Variants in PYGO1 observed in about 807,000 individuals in gnomAD.
PYGO1 encodes the protein pygopus family PHD finger 1.
PYGO1 carries 6 observed loss-of-function variants against 29.5 expected under a neutral mutation model. The observed-to-expected ratio is 0.20, with a 90% CI of 0.11 to 0.40. PYGO1 has a LOEUF of 0.40. PYGO1 is among the 10% of genes least tolerant of loss of function. The probability of loss-of-function intolerance (pLI) is 1.00; values close to 1 mark genes in which losing one functional copy is unlikely to be tolerated. For missense variants in PYGO1, 515 were observed against 514.9 expected (o/e 1.00, Z 0.00); for synonymous variants, 186 against 180.5 (o/e 1.03, Z -0.24).
chr15:55,563,593 G>A lies in PYGO1; in HGVS notation c.50-14598C>T, dbSNP rs536489202. ...TCTCGAGCTCCTGACCTCGTGATCC[G>A]CCTGCCTCGGCCTCCCAAAGTGTTG... On this transcript the variant is annotated intron_variant, in intron 1 of 2. Coordinates refer to ENST00000563719, the MANE Select transcript of PYGO1 (RefSeq NM_001367806.1). 2.2e-4 allele frequency among the ~76,000 whole-genome samples: 34 copies of A among 152,108 alleles called. No homozygotes were observed. In the South Asian group the frequency reaches 2.7e-3, roughly 12 times the overall value.
intron 1 of PYGO1, among the ~76,000 whole-genome samples, chr15:55,570,081 G>A (rs1396225113): frequency 6.6e-6 from 1 of 152,170 alleles, no homozygotes; most frequent in African/African-American, 2.4e-5. Context: ...ATCCCCAGTG[G>A]AAAGGTCAGT....
At chr15:55,556,200 T>C (rs2058904223) in intron 1 of PYGO1, among the ~76,000 whole-genome samples, 1 of 152,280 alleles carries the variant, frequency 6.6e-6, no homozygotes, top group East Asian at 1.9e-4. Context: ...CAACAGAATT[T>C]ACATTCTTTT....
chr15:55,550,471 C>T (rs1396361082), intron 1 of PYGO1, among the ~76,000 whole-genome samples: 1 of 152,168 alleles, frequency 6.6e-6, no homozygotes. Context: ...ATCACACTCC[C>T]CAAACCAGCT....
At chr15:55,566,202 G>T (rs34694682) in intron 1 of PYGO1, among the ~76,000 whole-genome samples, 8,197 of 152,184 alleles carry the variant, frequency 0.054, 277 homozygotes, top group Middle Eastern at 0.068. Flanking sequence ...CTGAGCATAG[G>T]TTTTCAAACC....
Position 55,539,213 on chromosome 15 carries a change from G to C in PYGO1, c.*6810C>G, listed in dbSNP as rs528384654. The C allele has an allele frequency of 2.4e-4, 37 of 152,250 alleles. No individual in the cohort carries two copies. The highest frequency in any genetic ancestry group is 3.9e-4 in the Admixed American group (6 of 15,290). 9.4% of individuals were successfully genotyped at this position (152,250 alleles called of 1,614,324 possible). A position where few individuals can be genotyped will look rare whatever the true frequency, so the allele number is the denominator to read the frequency against. On this transcript the variant is annotated 3_prime_UTR_variant, in exon 3 of 3. Transcript: ENST00000563719. ...AAATTCTAGCATGGTTTTTGGGGAAGAAGGGAATGGGATCAGAAGACGCAA... is the reference window on the plus strand; with the variant it reads ...AAATTCTAGCATGGTTTTTGGGGAACAAGGGAATGGGATCAGAAGACGCAA...
At position 55,545,878 on chromosome 15, in the gene PYGO1, T is replaced by C; in HGVS notation, c.*145A>G. ...CAAGCAAAGACAATAAAAAATTTGC[T>C]CTAGTGATGAAGTGATTAATAAAAA... On this transcript the variant is annotated 3_prime_UTR_variant, in exon 3 of 3. Coordinates refer to ENST00000563719, the MANE Select transcript of PYGO1 (RefSeq NM_001367806.1). 2 of 864,114 alleles carry C rather than the reference T, an allele frequency of 2.3e-6. No homozygotes were observed. The highest frequency in any genetic ancestry group is 1.7e-5 in the African/African-American group (1 of 58,814). The allele number at this position is 864,114 out of a possible 1,614,324, so 53.5% of individuals were successfully genotyped here.
At chr15:55,554,122 C>A (rs1429885321) in intron 1 of PYGO1, among the ~76,000 whole-genome samples, 1 of 152,110 alleles carries the variant, frequency 6.6e-6, no homozygotes, top group East Asian at 1.9e-4. Flanking sequence ...AAACAGAGTG[C>A]CTCTTCTCCT....
intron 1 of PYGO1, among the ~76,000 whole-genome samples, chr15:55,569,755 G>C (rs895409140): frequency 3.9e-5 from 6 of 152,186 alleles, no homozygotes; most frequent in African/African-American, 1.4e-4. Flanking sequence ...CAGATGAGAA[G>C]AATGTATATT....
At chr15:55,565,669 C>T (rs1253075455) in intron 1 of PYGO1, among the ~76,000 whole-genome samples, 2 of 152,168 alleles carry the variant, frequency 1.3e-5, no homozygotes, top group African/African-American at 2.4e-5. Flanking sequence ...GAGCCAAGAT[C>T]GCACCACTGC....
chr15:55,562,565 G>T (rs554483935), intron 1 of PYGO1, among the ~76,000 whole-genome samples: 18 of 152,130 alleles, frequency 1.2e-4, no homozygotes, highest in Admixed American at 1.2e-3. Context: ...CAGCTACTCG[G>T]GAGGCTGAGG....
At position 55,544,167 on chromosome 15, in the gene PYGO1, C is replaced by T. The variant is rs919839694; in HGVS notation, c.*1856G>A. 1 of 152,034 alleles carries T rather than the reference C, an allele frequency of 6.6e-6. No homozygotes were observed. Among genetic ancestry groups the T allele is most frequent in the African/African-American group, 2.4e-5 (1 of 41,376 alleles). The allele number at this position is 152,034 out of a possible 1,614,324, so 9.4% of individuals were successfully genotyped here. A position where few individuals can be genotyped will look rare whatever the true frequency, so the allele number is the denominator to read the frequency against. ...GGAGAAAACCTTGTATTACCTTGTA[C>T]CATATGAAATTGCTGTTTTTGTAGG... On this transcript the variant is annotated 3_prime_UTR_variant, in exon 3 of 3. Coordinates refer to ENST00000563719, the MANE Select transcript of PYGO1 (RefSeq NM_001367806.1).
In PYGO1 at chr15:55,541,189, T is replaced by C. The variant is rs1032519194; in HGVS notation, c.*4834A>G. ...TACATGGCCACAGTCTTTCCTTCAT[T>C]TCCCCTATACCACTTGTCTTGGGAG... On this transcript the variant is annotated 3_prime_UTR_variant, in exon 3 of 3. Transcript: ENST00000563719. 9 of 152,208 alleles carry C rather than the reference T, an allele frequency of 5.9e-5. No homozygotes were observed. Among genetic ancestry groups the C allele is most frequent in the African/African-American group, 2.2e-4 (9 of 41,458 alleles). The allele number at this position is 152,208 out of a possible 1,614,324, so 9.4% of individuals were successfully genotyped here.
In PYGO1 at chr15:55,540,999, C is replaced by T. The variant is rs1161148620; in HGVS notation, c.*5024G>A. On this transcript the variant is annotated 3_prime_UTR_variant, in exon 3 of 3. Transcript: ENST00000563719. ...TATTTTGACAAACAAGCAACATCAT[C>T]TACACATCTACAGAACAAGAAAGGT... 2 of 152,172 alleles carry T rather than the reference C, an allele frequency of 1.3e-5. No individual in the cohort carries two copies. Among genetic ancestry groups the T allele is most frequent in the African/African-American group, 2.4e-5 (1 of 41,436 alleles). The allele number at this position is 152,172 out of a possible 1,614,324, so 9.4% of individuals were successfully genotyped here. A position where few individuals can be genotyped will look rare whatever the true frequency, so the allele number is the denominator to read the frequency against.
chr15:55,559,047 A>T (rs2058920611), intron 1 of PYGO1, among the ~76,000 whole-genome samples: 1 of 152,136 alleles, frequency 6.6e-6, no homozygotes, highest in Non-Finnish European at 1.5e-5. Context: ...GTGAACAGGC[A>T]ACCTACAGAA....
At chr15:55,556,005 G>A (rs2058903315) in intron 1 of PYGO1, among the ~76,000 whole-genome samples, 1 of 151,840 alleles carries the variant, frequency 6.6e-6, no homozygotes, top group African/African-American at 2.4e-5. Flanking sequence ...GATTCATACA[G>A]CAAGTTTTTA....
chr15:55,588,538 C>A (rs1285256155), upstream of PYGO1, among the ~76,000 whole-genome samples: 24 of 147,220 alleles, frequency 1.6e-4, no homozygotes, highest in South Asian at 6.2e-4. Flanking sequence ...TCGGCCCAGC[C>A]CCCACGGCCC....
chr15:55,587,416 G>A (rs987502746), intron 1 of PYGO1, among the ~76,000 whole-genome samples: 22 of 152,090 alleles, frequency 1.4e-4, no homozygotes, highest in Non-Finnish European at 2.9e-4. Context: ...TGAAAGCCCA[G>A]GAGCCCTTCT....
intron 1 of PYGO1, among the ~76,000 whole-genome samples, chr15:55,574,494 T>C (rs1354082379): frequency 6.6e-6 from 1 of 152,246 alleles, no homozygotes; most frequent in East Asian, 1.9e-4. Flanking sequence ...GACTAGTGTC[T>C]ACATATATTT....
intron 1 of PYGO1, among the ~76,000 whole-genome samples, chr15:55,571,242 T>C (rs554195770): frequency 6.6e-6 from 1 of 152,200 alleles, no homozygotes; most frequent in Non-Finnish European, 1.5e-5. Flanking sequence ...CATACTACAT[T>C]CTGTTTATCC....
Sources: allele counts gnomAD v4.1 joint callset (sites outside exome capture counted in the v4.1 genomes callset), GRCh38; gene constraint gnomAD v4.1.1; transcripts MANE v1.5; gene names NCBI Gene and HGNC (gene_info 2026-07-23, HGNC 2026-07-21).